The following SDK1 variants were observed in gnomAD, a reference collection of about 807,000 sequenced individuals.
SDK1 encodes protein sidekick-1.
Under a neutral mutation model 245.5 loss-of-function variants are expected in SDK1, and 157 were observed. The ratio of observed to expected loss-of-function variants is 0.64; its 90% CI spans 0.56 to 0.73. The LOEUF (loss-of-function observed/expected upper bound fraction) is 0.73, where lower values mean the gene tolerates loss of function less well. Among genes scored for constraint, SDK1 ranks in the 30% least tolerant of loss-of-function variants. SDK1 has a pLI of 0.00. For missense variants in SDK1, 3,583 were observed against 3,002.3 expected (o/e 1.19, Z -4.52); for synonymous variants, 1,647 against 1,278.5 (o/e 1.29, Z -6.15).
chr7:4,063,591 A>C (rs1428226061), intron 19 of SDK1, among the ~76,000 whole-genome samples: 2 of 141,242 alleles, frequency 1.4e-5, no homozygotes, highest in African/African-American at 6.1e-5. Flanking sequence ...ATTTTCACAG[A>C]AATAGCAAAA....
intron 1 of SDK1, among the ~76,000 whole-genome samples, chr7:3,530,351 A>G (rs1163170576): frequency 1.3e-5 from 2 of 152,146 alleles, no homozygotes; most frequent in Non-Finnish European, 2.9e-5. Context: ...ATTTTCAATG[A>G]AAGTTTATGG....
intron 13 of SDK1, 112 bp downstream of exon 13, chr7:3,974,657 C>G: frequency 1.0e-6 from 1 of 956,580 alleles, no homozygotes; most frequent in African/African-American, 1.6e-5. Flanking sequence ...CCCAAGTCAG[C>G]GGTCAGAGGC....
chr7:4,208,397 C>A, intron 37 of SDK1, 112 bp downstream of exon 37: 2 of 951,456 alleles, frequency 2.1e-6, no homozygotes, highest in Non-Finnish European at 3.2e-6. Context: ...CGGAAGGCAA[C>A]ACCTTTTGAG....
intron 4 of SDK1, among the ~76,000 whole-genome samples, chr7:3,653,109 T>G (rs1182516863): frequency 6.6e-6 from 1 of 152,310 alleles, no homozygotes; most frequent in East Asian, 1.9e-4. Flanking sequence ...CTTAAACTTG[T>G]GTGGGGTGAG....
intron 4 of SDK1, among the ~76,000 whole-genome samples, chr7:3,777,899 T>A (rs968703172): frequency 6.6e-6 from 1 of 152,192 alleles, no homozygotes; most frequent in East Asian, 1.9e-4. Flanking sequence ...CCTTTTCTTT[T>A]TTCTTCTCCC....
intron 4 of SDK1, among the ~76,000 whole-genome samples, chr7:3,685,324 A>G (rs1430479807): frequency 1.3e-5 from 2 of 149,612 alleles, no homozygotes; most frequent in African/African-American, 2.6e-5. Context: ...TCAATCACCA[A>G]AAGAAAAGAA....
At chr7:3,975,943 G>T (rs532070593) in intron 13 of SDK1, among the ~76,000 whole-genome samples, 3 of 139,960 alleles carry the variant, frequency 2.1e-5, no homozygotes, top group East Asian at 2.1e-4. Context: ...GGGTCCCGGG[G>T]CTGAGGCTGC....
intron 1 of SDK1, among the ~76,000 whole-genome samples, chr7:3,454,053 T>G (rs1367469953): frequency 6.6e-6 from 1 of 152,228 alleles, no homozygotes; most frequent in Non-Finnish European, 1.5e-5. Context: ...TCATTTTCAT[T>G]AAAAGGCTAA....
chr7:4,130,163 A>T (rs1784707591), intron 27 of SDK1, 66 bp downstream of exon 27: 16 of 1,427,498 alleles, frequency 1.1e-5, no homozygotes, highest in African/African-American at 1.4e-5. Context: ...CAATGCAAAC[A>T]ATTTGGATTG....
chr7:3,973,377 C>T (rs1782640414), intron 12 of SDK1, among the ~76,000 whole-genome samples: 2 of 152,218 alleles, frequency 1.3e-5, no homozygotes, highest in African/African-American at 4.8e-5. Context: ...AAAAACAGCA[C>T]TTTCATTCCA....
intron 1 of SDK1, among the ~76,000 whole-genome samples, chr7:3,407,766 T>C (rs1005550337): frequency 6.6e-6 from 1 of 152,184 alleles, no homozygotes; most frequent in African/African-American, 2.4e-5. Context: ...TATACAAGGA[T>C]AACTAAGAAT....
At chr7:3,473,806 A>G (rs1781256360) in intron 1 of SDK1, among the ~76,000 whole-genome samples, 1 of 152,050 alleles carries the variant, frequency 6.6e-6, no homozygotes. Flanking sequence ...GATGAACATG[A>G]GCTGAAAATT....
chr7:3,770,290 A>G (rs1780372563), intron 4 of SDK1, among the ~76,000 whole-genome samples: 1 of 152,176 alleles, frequency 6.6e-6, no homozygotes, highest in Non-Finnish European at 1.5e-5. Context: ...ATACGTATTA[A>G]TAACTCATTC....
chr7:4,248,715 C>A (rs114050289), intron 44 of SDK1, among the ~76,000 whole-genome samples: 1,872 of 152,038 alleles, frequency 0.012, 47 homozygotes, highest in African/African-American at 0.043. Flanking sequence ...TGTACACACA[C>A]GCACACGCAC....
Position 4,245,700 on chromosome 7 carries a change from C to T in SDK1, c.6276C>T (p.Gly2092=), listed in dbSNP as rs757339898. Residue 2092 remains glycine, a synonymous_variant, in exon 44 of 45, where the codon GGC becomes GGT. Coordinates refer to ENST00000404826, the MANE Select transcript of SDK1 (RefSeq NM_152744.4). ...GGTCCCCACCCCGGCCTAGCCCCGGCGGCCTGCACTACTCAGACGAGGACA... is the reference window on the plus strand; with the variant it reads ...GGTCCCCACCCCGGCCTAGCCCCGGTGGCCTGCACTACTCAGACGAGGACA... ...GTRSPPRPSP[G]GLHYSDEDIC... 30 of 1,613,902 alleles carry T rather than the reference C, an allele frequency of 1.9e-5. No individual in the cohort carries two copies. Among genetic ancestry groups the T allele is most frequent in the African/African-American group, 6.7e-5 (5 of 74,938 alleles).
intron 22 of SDK1, among the ~76,000 whole-genome samples, chr7:4,089,645 G>A (rs1240799334): frequency 3.3e-5 from 5 of 152,232 alleles, no homozygotes; most frequent in African/African-American, 4.8e-5. Flanking sequence ...TGGAGCCCAC[G>A]TGTGGGTGAC....
intron 1 of SDK1, among the ~76,000 whole-genome samples, chr7:3,446,896 G>A (rs559379459): frequency 6.6e-6 from 1 of 152,146 alleles, no homozygotes; most frequent in Admixed American, 6.5e-5. Flanking sequence ...TTGTTGCCTG[G>A]TTCATCTTTT....
At position 4,125,779 on chromosome 7, in the gene SDK1, T is replaced by C. The variant is rs117829880; in HGVS notation, c.3824-1602T>C. Among the ~76,000 whole-genome samples, 244 of 152,292 alleles carry C rather than the reference T, an allele frequency of 1.6e-3. 5 individuals are homozygous for C. In the East Asian group the frequency reaches 0.041, roughly 25 times the overall value. ...CTCCTTTCACTTTCTTCAAAACAAC[T>C]AGCTATTGATCACCTGCTGACCAAC... On this transcript the variant is annotated intron_variant, in intron 25 of 44. Coordinates refer to ENST00000404826, the MANE Select transcript of SDK1 (RefSeq NM_152744.4).
At chr7:3,703,060 C>CA (rs34926857) in intron 4 of SDK1, among the ~76,000 whole-genome samples, 11,297 of 87,336 alleles carry the variant, frequency 0.13, 589 homozygotes, top group Middle Eastern at 0.27. Flanking sequence ...GACTCTGTCT[C>CA]AAAAAAAAAA....
Sources: allele counts gnomAD v4.1 joint callset (sites outside exome capture counted in the v4.1 genomes callset), GRCh38; gene constraint gnomAD v4.1.1; transcripts MANE v1.5; gene names NCBI Gene and HGNC (gene_info 2026-07-23, HGNC 2026-07-21).